Variants in BCLAF1 observed in about 807,000 individuals in gnomAD.
The protein encoded by BCLAF1 is bcl-2-associated transcription factor 1.
In BCLAF1, 10 loss-of-function variants were observed where a neutral mutation model predicts 99.5. That is an observed-to-expected ratio of 0.10 (90% CI 0.06 to 0.17). The LOEUF (loss-of-function observed/expected upper bound fraction) is 0.17, where lower values mean the gene tolerates loss of function less well. BCLAF1 is among the 10% of genes least tolerant of loss of function. BCLAF1 has a pLI of 1.00. For synonymous variants in BCLAF1, 255 were observed against 370.9 expected (o/e 0.69, Z 3.59); for missense variants, 636 against 1,105.8 (o/e 0.58, Z 6.02).
intron 4 of BCLAF1, 34 bp downstream of exon 4, chr6:136,277,831 T>C (rs1451526686): frequency 1.3e-6 from 2 of 1,573,554 alleles, no homozygotes; most frequent in Non-Finnish European, 1.7e-6. Context: ...ACAAAAACAA[T>C]ATTATAATCT....
At position 136,284,128 on chromosome 6, in the gene BCLAF1, G is replaced by GTATATATATATATA. The variant is rs1242722909; in HGVS notation, c.-114-1442_-114-1441insTATATATATATATA. On this transcript the variant is annotated intron_variant, in intron 1 of 12. Coordinates refer to ENST00000531224, the MANE Select transcript of BCLAF1 (RefSeq NM_014739.3). Reference sequence around the variant, plus strand: ...TATATACATATATATGTGTGTGTGTGTGTATATATATATATATATATATAT... The same window carrying GTATATATATATATA: ...TATATACATATATATGTGTGTGTGTGTATATATATATATATGTATATATATATATATATATATAT... Among the ~76,000 whole-genome samples, 320 of 81,208 alleles carry GTATATATATATATA rather than the reference G, an allele frequency of 3.9e-3. 3 individuals are homozygous for GTATATATATATATA. Among genetic ancestry groups the GTATATATATATATA allele is most frequent in the African/African-American group, 0.013 (296 of 22,054 alleles). 53.3% of individuals were successfully genotyped at this position (81,208 alleles called of 152,430 possible). A position where few individuals can be genotyped will look rare whatever the true frequency, so the allele number is the denominator to read the frequency against.
rs1156685614 is a variant in BCLAF1, at chr6:136,260,963, T to C, written c.*147A>G. The C allele has an allele frequency of 2.5e-6, 2 of 791,852 alleles. No homozygotes were observed. Among genetic ancestry groups the C allele is most frequent in the African/African-American group, 3.6e-5 (2 of 55,208 alleles). The allele number at this position is 791,852 out of a possible 1,614,324, so 49.1% of individuals were successfully genotyped here. A position where few individuals can be genotyped will look rare whatever the true frequency, so the allele number is the denominator to read the frequency against. ...ATACAGTCTACTATTTCTCAAGATATTTGAAGACTTAAAACAAAATTTCTA... is the reference window on the plus strand; with the variant it reads ...ATACAGTCTACTATTTCTCAAGATACTTGAAGACTTAAAACAAAATTTCTA... On this transcript the variant is annotated 3_prime_UTR_variant, in exon 13 of 13. Coordinates refer to ENST00000531224, the MANE Select transcript of BCLAF1 (RefSeq NM_014739.3).
At chr6:136,287,467 C>G (rs1785301423) in intron 1 of BCLAF1, among the ~76,000 whole-genome samples, 1 of 152,146 alleles carries the variant, frequency 6.6e-6, no homozygotes, top group African/African-American at 2.4e-5. Flanking sequence ...CACTTATTAC[C>G]TGAGTATAAA....
intron 1 of BCLAF1, among the ~76,000 whole-genome samples, chr6:136,284,571 T>G (rs892538514): frequency 2.6e-5 from 4 of 152,172 alleles, no homozygotes; most frequent in African/African-American, 9.7e-5. Flanking sequence ...CTGTGCTAGG[T>G]GACTTAAAGT....
At chr6:136,262,624 T>G (rs1781165984) in intron 11 of BCLAF1, among the ~76,000 whole-genome samples, 1 of 152,166 alleles carries the variant, frequency 6.6e-6, no homozygotes, top group African/African-American at 2.4e-5. Context: ...GAAAGATTAC[T>G]AGGTAGAGGT....
chr6:136,274,311 AAAAG>A, intron 6 of BCLAF1: 1 of 313,716 alleles, frequency 3.2e-6, no homozygotes, highest in Non-Finnish European at 5.0e-6. Flanking sequence ...TAAAAAAAAA[AAAAG>A]AAAAAAGAAA....
Position 136,261,083 on chromosome 6 carries a change from C to G in BCLAF1, c.*27G>C. Reference sequence around the variant, plus strand: ...AAAAAAATGGTGGGTGCAAGTTCTGCTCTGTTGTAATCTTACTTCATATTT... The same window carrying G: ...AAAAAAATGGTGGGTGCAAGTTCTGGTCTGTTGTAATCTTACTTCATATTT... On this transcript the variant is annotated 3_prime_UTR_variant, in exon 13 of 13. Transcript: ENST00000531224. 6.4e-7 allele frequency: 1 copy of G among 1,558,840 alleles called. No homozygotes were observed. The highest frequency in any genetic ancestry group is 8.7e-7 in the Non-Finnish European group (1 of 1,153,724).
chr6:136,283,747 G>C (rs987063630), intron 1 of BCLAF1, among the ~76,000 whole-genome samples: 13 of 152,138 alleles, frequency 8.5e-5, no homozygotes, highest in African/African-American at 2.9e-4. Context: ...GGTGAATCAA[G>C]AATAGCGTCT....
At chr6:136,263,479 T>G (rs543212685) in intron 11 of BCLAF1, among the ~76,000 whole-genome samples, 1 of 152,300 alleles carries the variant, frequency 6.6e-6, no homozygotes, top group East Asian at 1.9e-4. Flanking sequence ...AACATATTCT[T>G]AATACTCAAG....
intron 1 of BCLAF1, among the ~76,000 whole-genome samples, chr6:136,286,072 C>T (rs555859097): frequency 6.6e-6 from 1 of 152,084 alleles, no homozygotes; most frequent in Non-Finnish European, 1.5e-5. Flanking sequence ...GCACTCCAGG[C>T]TGGGCAAGAG....
chr6:136,275,141 A>T (rs1783095784), intron 6 of BCLAF1, among the ~76,000 whole-genome samples: 1 of 152,000 alleles, frequency 6.6e-6, no homozygotes, highest in South Asian at 2.1e-4. Flanking sequence ...ATACTGTCTG[A>T]CTTTGTTATA....
chr6:136,284,007 G>A (rs1384291322), intron 1 of BCLAF1, among the ~76,000 whole-genome samples: 2 of 151,512 alleles, frequency 1.3e-5, no homozygotes, highest in Non-Finnish European at 2.9e-5. Context: ...ATTCTGACCT[G>A]GAAAGTCATT....
chr6:136,286,581 C>A (rs1785162501), intron 1 of BCLAF1, among the ~76,000 whole-genome samples: 1 of 152,178 alleles, frequency 6.6e-6, no homozygotes, highest in Admixed American at 6.5e-5. Context: ...TGCAAGCTAA[C>A]CACGTTTACT....
At chr6:136,275,351 A>G (rs553336272) in intron 6 of BCLAF1, among the ~76,000 whole-genome samples, 181 bp downstream of exon 6, 12 of 152,260 alleles carry the variant, frequency 7.9e-5, no homozygotes, top group African/African-American at 2.2e-4. Context: ...AACTATCTTC[A>G]TAAGTTTCAA....
intron 1 of BCLAF1, among the ~76,000 whole-genome samples, chr6:136,285,799 G>T (rs1364856063): frequency 2.0e-5 from 3 of 152,076 alleles, no homozygotes; most frequent in Admixed American, 6.6e-5. Context: ...TCAGAAACCA[G>T]CTAGAAAACA....
intron 4 of BCLAF1, 30 bp from the exon 5 acceptor site, chr6:136,276,538 C>A: frequency 2.6e-6 from 4 of 1,556,950 alleles, no homozygotes; most frequent in Non-Finnish European, 3.5e-6. Flanking sequence ...AGGATAGTAA[C>A]TCTGGATTGC....
At chr6:136,279,023 A>ACACACG (rs1246769583) in intron 3 of BCLAF1, among the ~76,000 whole-genome samples, 2 of 151,116 alleles carry the variant, frequency 1.3e-5, no homozygotes, top group Non-Finnish European at 2.9e-5. Context: ...ACACACACAC[A>ACACACG]CACGCATGTG....
At chr6:136,284,869 TG>T (rs1319652165) in intron 1 of BCLAF1, among the ~76,000 whole-genome samples, 1 of 150,848 alleles carries the variant, frequency 6.6e-6, no homozygotes, top group Non-Finnish European at 1.5e-5. Flanking sequence ...GCAGAGGAGG[TG>T]GGCAGGGGGA....
intron 2 of BCLAF1, among the ~76,000 whole-genome samples, chr6:136,282,025 T>C (rs1343016813): frequency 6.6e-6 from 1 of 152,216 alleles, no homozygotes; most frequent in Non-Finnish European, 1.5e-5. Context: ...GATTGATATC[T>C]TCTGCTCTAC....
Sources: allele counts gnomAD v4.1 joint callset (sites outside exome capture counted in the v4.1 genomes callset), GRCh38; gene constraint gnomAD v4.1.1; transcripts MANE v1.5; gene names NCBI Gene and HGNC (gene_info 2026-07-23, HGNC 2026-07-21).